The following GALNTL6 variants were observed in gnomAD, a reference collection of about 807,000 sequenced individuals.
GALNTL6 encodes polypeptide N-acetylgalactosaminyltransferase like 6.
GALNTL6 carries 46 observed loss-of-function variants against 73.7 expected under a neutral mutation model. That is an observed-to-expected ratio of 0.62 (90% confidence interval 0.49 to 0.80). The LOEUF (loss-of-function observed/expected upper bound fraction) is 0.80, where lower values mean the gene tolerates loss of function less well. GALNTL6 is among the 30% of genes least tolerant of loss of function. GALNTL6 has a pLI of 0.00. For synonymous variants in GALNTL6, 259 were observed against 263.7 expected, an observed-to-expected ratio of 0.98 and a Z score of 0.17; for missense variants, 604 against 755.0, an observed-to-expected ratio of 0.80 and a Z score of 2.34.
chr4:172,064,623 G>A (rs1444941383), intron 2 of GALNTL6, among the ~76,000 whole-genome samples: 1 of 152,110 alleles, frequency 6.6e-6, no homozygotes, highest in East Asian at 1.9e-4. Flanking sequence ...AACTCAAATG[G>A]GAAATTGTGG....
intron 8 of GALNTL6, among the ~76,000 whole-genome samples, chr4:172,904,989 C>T (rs1746810547): frequency 6.6e-6 from 1 of 152,076 alleles, no homozygotes; most frequent in Non-Finnish European, 1.5e-5. Flanking sequence ...TTTTGTGCCC[C>T]TTTATGATTT....
intron 2 of GALNTL6, among the ~76,000 whole-genome samples, chr4:172,066,859 C>A (rs927283098): frequency 6.6e-6 from 1 of 152,104 alleles, no homozygotes; most frequent in African/African-American, 2.4e-5. Flanking sequence ...TGAACCACTT[C>A]TTTCTCCCTA....
At chr4:172,374,181 C>T (rs1579007914) in intron 5 of GALNTL6, among the ~76,000 whole-genome samples, 2 of 152,210 alleles carry the variant, frequency 1.3e-5, no homozygotes, top group East Asian at 3.9e-4. Context: ...TGATAACAAG[C>T]CCTACTGGGT....
rs539045948 is a variant in GALNTL6 at position 172,780,057 on chromosome 4, A to G, written c.554-29304A>G. Among the ~76,000 whole-genome samples the G allele has an allele frequency of 1.9e-4, 29 of 152,286 alleles. No individual in the cohort carries two copies. In the South Asian group the frequency reaches 6.0e-3, roughly 32 times the overall value. ...GCATCACCTTAGGACAGCATGAGCC[A>G]TTAATCAAACAATAATTTTAAGGGT... On this transcript the variant is annotated intron_variant, in intron 5 of 12. Coordinates refer to ENST00000506823, the MANE Select transcript of GALNTL6 (RefSeq NM_001034845.3).
chr4:172,714,274 A>C (rs960477911), intron 5 of GALNTL6, among the ~76,000 whole-genome samples: 4 of 150,890 alleles, frequency 2.7e-5, no homozygotes, highest in African/African-American at 9.8e-5. Context: ...TCACTGTCTC[A>C]GTTATAATTT....
At chr4:172,005,058 AT>A (rs1439109049) in intron 2 of GALNTL6, among the ~76,000 whole-genome samples, 1 of 152,110 alleles carries the variant, frequency 6.6e-6, no homozygotes, top group Non-Finnish European at 1.5e-5. Flanking sequence ...TACTTTTAAT[AT>A]TTAAGGTGGA....
intron 2 of GALNTL6, among the ~76,000 whole-genome samples, chr4:172,150,801 T>C (rs1240435334): frequency 6.6e-6 from 1 of 152,290 alleles, no homozygotes; most frequent in Admixed American, 6.5e-5. Context: ...TTAAGCATAC[T>C]CACCTAATAA....
chr4:172,890,579 T>C (rs1327947604), intron 8 of GALNTL6, among the ~76,000 whole-genome samples: 4 of 152,204 alleles, frequency 2.6e-5, no homozygotes, highest in Non-Finnish European at 5.9e-5. Context: ...ATTTGATTTT[T>C]TTGAATTTAT....
intron 5 of GALNTL6, among the ~76,000 whole-genome samples, chr4:172,538,621 G>A (rs1479500985): frequency 1.3e-5 from 2 of 152,024 alleles, no homozygotes; most frequent in East Asian, 3.9e-4. Flanking sequence ...TAAAGAATAG[G>A]TATTTAATAC....
intron 5 of GALNTL6, among the ~76,000 whole-genome samples, chr4:172,747,682 T>A (rs1399151976): frequency 6.6e-6 from 1 of 152,004 alleles, no homozygotes; most frequent in East Asian, 1.9e-4. Context: ...ACCAAAGGAA[T>A]TGAAATCAGT....
At chr4:172,441,720 T>C (rs552059065) in intron 5 of GALNTL6, among the ~76,000 whole-genome samples, 14 of 152,144 alleles carry the variant, frequency 9.2e-5, no homozygotes, top group Admixed American at 2.6e-4. Context: ...AGAATATGAT[T>C]GTCCCTAAGT....
chr4:172,228,239 T>C (rs1162023552), intron 2 of GALNTL6, among the ~76,000 whole-genome samples: 4 of 152,146 alleles, frequency 2.6e-5, no homozygotes, highest in Non-Finnish European at 5.9e-5. Context: ...TACTTTTCCA[T>C]AACTTTTGTT....
chr4:173,023,329 C>G (rs1484706989), intron 12 of GALNTL6, among the ~76,000 whole-genome samples: 9 of 152,156 alleles, frequency 5.9e-5, no homozygotes, highest in Non-Finnish European at 2.9e-5. Flanking sequence ...CACCCAAACA[C>G]CTGGCAGGTT....
chr4:172,821,048 GA>G (rs1245176917), intron 7 of GALNTL6, among the ~76,000 whole-genome samples: 1 of 152,250 alleles, frequency 6.6e-6, no homozygotes, highest in African/African-American at 2.4e-5. Context: ...ACTGGCCAAA[GA>G]ATCTATTTCA....
intron 5 of GALNTL6, among the ~76,000 whole-genome samples, chr4:172,565,575 T>C (rs1331542237): frequency 1.3e-5 from 2 of 152,186 alleles, no homozygotes; most frequent in East Asian, 3.8e-4. Flanking sequence ...TTTTCTTGTA[T>C]TGTTTTTGTC....
At chr4:172,105,476 G>A (rs9991515) in intron 2 of GALNTL6, among the ~76,000 whole-genome samples, 61,498 of 151,520 alleles carry the variant, frequency 0.41, 13,024 homozygotes, top group African/African-American at 0.5. Flanking sequence ...AAACTGATAC[G>A]CTCTCATATT....
intron 10 of GALNTL6, among the ~76,000 whole-genome samples, chr4:172,999,238 A>C (rs765050145): frequency 6.6e-6 from 1 of 152,162 alleles, no homozygotes; most frequent in Non-Finnish European, 1.5e-5. Context: ...AGGACATAGC[A>C]GCTGCTGCTT....
At chr4:171,954,486 A>G (rs1385054541) in intron 2 of GALNTL6, among the ~76,000 whole-genome samples, 1 of 152,242 alleles carries the variant, frequency 6.6e-6, no homozygotes. Context: ...AAATTACGTA[A>G]GAATACAGAT....
chr4:171,860,664 C>T (rs1735808264), intron 2 of GALNTL6, among the ~76,000 whole-genome samples: 1 of 152,162 alleles, frequency 6.6e-6, no homozygotes, highest in Non-Finnish European at 1.5e-5. Flanking sequence ...ATTATATTGT[C>T]TTCCTTAACA....
Sources: allele counts gnomAD v4.1 joint callset (sites outside exome capture counted in the v4.1 genomes callset), GRCh38; gene constraint gnomAD v4.1.1; transcripts MANE v1.5; gene names NCBI Gene and HGNC (gene_info 2026-07-23, HGNC 2026-07-21).